The following DLGAP2 variants were observed in gnomAD, a reference collection of about 807,000 sequenced individuals.
DLGAP2 encodes the protein disks large-associated protein 2.
A neutral mutation model predicts 100.3 loss-of-function variants in DLGAP2; 26 were observed. The ratio of observed to expected loss-of-function variants is 0.26; its 90% CI spans 0.19 to 0.36. The LOEUF (loss-of-function observed/expected upper bound fraction) is 0.36. Among genes scored for constraint, DLGAP2 ranks in the 10% least tolerant of loss-of-function variants. The probability of loss-of-function intolerance (pLI) is 1.00; values close to 1 mark genes in which losing one functional copy is unlikely to be tolerated. For synonymous variants in DLGAP2, 886 were observed against 630.1 expected (o/e 1.41, Z -6.08); for missense variants, 1,858 against 1,453.2 (o/e 1.28, Z -4.53).
intron 2 of DLGAP2, among the ~76,000 whole-genome samples, chr8:1,147,405 G>C (rs1323564723): frequency 2.6e-5 from 4 of 151,944 alleles, no homozygotes; most frequent in African/African-American, 9.7e-5. Context: ...TTTTTCTGTA[G>C]ACATTTTAGA....
chr8:1,093,608 C>T (rs528064013), intron 2 of DLGAP2, among the ~76,000 whole-genome samples: 3 of 152,100 alleles, frequency 2.0e-5, no homozygotes, highest in African/African-American at 7.2e-5. Context: ...CAGACAGAAA[C>T]ACCTTCACAC....
intron 2 of DLGAP2, among the ~76,000 whole-genome samples, chr8:1,051,277 A>T (rs576248800): frequency 6.6e-6 from 1 of 152,056 alleles, no homozygotes; most frequent in Non-Finnish European, 1.5e-5. Context: ...GGCTCTCTGG[A>T]TGGAGCATTT....
intron 3 of DLGAP2, among the ~76,000 whole-genome samples, chr8:1,440,248 T>G (rs1462523435): frequency 6.6e-6 from 1 of 152,248 alleles, no homozygotes. Flanking sequence ...GTATCTATTT[T>G]GAGTTCAAGT....
chr8:1,369,649 T>C (rs1171435332), intron 3 of DLGAP2: 1 of 152,248 alleles, frequency 6.6e-6, no homozygotes, highest in Non-Finnish European at 1.5e-5. Flanking sequence ...CATTCTCACA[T>C]CTAAATCACA....
At position 958,256 on chromosome 8, in the gene DLGAP2, A is replaced by AC. The variant is rs1252291150; in HGVS notation, c.73+50297dup. Reference sequence around the variant, plus strand: ...CTGAACAGTAATCCATTGTGTGGACACCCCCCCACCGCCGCCATGTTTTGT... The same window carrying AC: ...CTGAACAGTAATCCATTGTGTGGACACCCCCCCCACCGCCGCCATGTTTTGT... On this transcript the variant is annotated intron_variant, in intron 2 of 14. Coordinates refer to ENST00000637795, the MANE Select transcript of DLGAP2 (RefSeq NM_001346810.2). 4.6e-4 allele frequency among the ~76,000 whole-genome samples: 70 copies of AC among 151,610 alleles called. 1 individual carries two copies. Among genetic ancestry groups the AC allele is most frequent in the Admixed American group, 4.3e-3 (65 of 15,208 alleles).
intron 2 of DLGAP2, among the ~76,000 whole-genome samples, chr8:1,169,801 C>G (rs958814493): frequency 1.4e-4 from 22 of 151,900 alleles, no homozygotes; most frequent in African/African-American, 5.1e-4. Context: ...GTGGGATTTT[C>G]TAGATATACA....
chr8:1,552,913 CT>C (rs1287262131), intron 5 of DLGAP2, among the ~76,000 whole-genome samples: 1 of 152,178 alleles, frequency 6.6e-6, no homozygotes, highest in Non-Finnish European at 1.5e-5. Flanking sequence ...TCACAAAGCT[CT>C]TGTTTTCATC....
intron 2 of DLGAP2, among the ~76,000 whole-genome samples, chr8:1,191,370 C>T (rs1005239924): frequency 6.3e-4 from 96 of 152,150 alleles, no homozygotes; most frequent in African/African-American, 2.1e-3. Flanking sequence ...CGGGATTTCA[C>T]CGTGTTAGCC....
intron 6 of DLGAP2, chr8:1,620,567 T>C (rs933467987): frequency 2.6e-5 from 4 of 152,428 alleles, no homozygotes; most frequent in Non-Finnish European, 4.4e-5. Context: ...AACCTGTTTT[T>C]CTTCCTATCA....
At chr8:1,645,063 C>G (rs963219849) in intron 8 of DLGAP2, among the ~76,000 whole-genome samples, 16 of 152,226 alleles carry the variant, frequency 1.1e-4, no homozygotes, top group African/African-American at 3.4e-4. Context: ...CCACAGCACT[C>G]TAGCCTGGGT....
rs75510004 is a variant in DLGAP2, at chr8:1,470,766, C to G, written c.107-30600C>G. Among the ~76,000 whole-genome samples the G allele has an allele frequency of 7.3e-3, 641 of 87,374 alleles. 165 individuals carry two copies. Among genetic ancestry groups the G allele is most frequent in the Middle Eastern group, 0.023 (3 of 132 alleles). The allele number at this position is 87,374 out of a possible 152,430, so 57.3% of individuals were successfully genotyped here. Reference sequence around the variant, plus strand: ...CCGACTCCTTCCCCGACTCCTCCAGCCTTTCCCGACTCCCCCAGCCTTTCC... The same window carrying G: ...CCGACTCCTTCCCCGACTCCTCCAGGCTTTCCCGACTCCCCCAGCCTTTCC... On this transcript the variant is annotated intron_variant, in intron 3 of 14. Coordinates refer to ENST00000637795, the MANE Select transcript of DLGAP2 (RefSeq NM_001346810.2).
At chr8:1,087,683 C>A (rs1432913955) in intron 2 of DLGAP2, among the ~76,000 whole-genome samples, 2 of 152,042 alleles carry the variant, frequency 1.3e-5, no homozygotes, top group African/African-American at 2.4e-5. Context: ...AAATGGTAGT[C>A]TTGATGCATC....
At chr8:1,521,058 G>A (rs1440688356) in intron 4 of DLGAP2, among the ~76,000 whole-genome samples, 1 of 152,194 alleles carries the variant, frequency 6.6e-6, no homozygotes, top group African/African-American at 2.4e-5. Context: ...TTCGGGGTGT[G>A]GTGGTGTCTT....
At chr8:1,507,659 AC>A (rs1232276228) in intron 4 of DLGAP2, among the ~76,000 whole-genome samples, 1 of 151,936 alleles carries the variant, frequency 6.6e-6, no homozygotes, top group Non-Finnish European at 1.5e-5. Context: ...GCATGCTGTC[AC>A]CTCTCAGAAG....
intron 8 of DLGAP2, among the ~76,000 whole-genome samples, chr8:1,638,331 A>G (rs1797817359): frequency 6.6e-6 from 1 of 152,098 alleles, no homozygotes; most frequent in Non-Finnish European, 1.5e-5. Flanking sequence ...AGAGGAGATG[A>G]GGACACAGAC....
intron 1 of DLGAP2, among the ~76,000 whole-genome samples, chr8:897,681 C>A (rs564456326): frequency 2.6e-5 from 4 of 152,312 alleles, no homozygotes; most frequent in Non-Finnish European, 4.4e-5. Context: ...CAGCCGCTCT[C>A]CTCCCGCCCC....
intron 2 of DLGAP2, among the ~76,000 whole-genome samples, chr8:1,080,587 A>C (rs1313905232): frequency 6.6e-6 from 1 of 152,098 alleles, no homozygotes; most frequent in Non-Finnish European, 1.5e-5. Context: ...AGGGACACAG[A>C]GCTCCTAGTT....
chr8:1,007,295 G>A (rs1801147516), intron 2 of DLGAP2, among the ~76,000 whole-genome samples: 1 of 152,208 alleles, frequency 6.6e-6, no homozygotes, highest in Admixed American at 6.5e-5. Flanking sequence ...TCCTGGAGGG[G>A]TTTGCTGGAG....
At chr8:1,411,121 T>G (rs1256513509) in intron 3 of DLGAP2, among the ~76,000 whole-genome samples, 1 of 152,194 alleles carries the variant, frequency 6.6e-6, no homozygotes, top group Non-Finnish European at 1.5e-5. Flanking sequence ...TCGTGGTCTC[T>G]TGTTCTGGAA....
Sources: gnomAD v4.1 joint callset for allele counts (sites outside exome capture counted in the v4.1 genomes callset) on GRCh38, gnomAD v4.1.1 for gene constraint, MANE v1.5 for transcripts, NCBI Gene and HGNC (gene_info 2026-07-23, HGNC 2026-07-21) for gene names.